The following PHACTR4 variants were observed in gnomAD, a reference collection of about 807,000 sequenced individuals.
PHACTR4 encodes phosphatase and actin regulator 4, also known as protein phosphatase 1, regulatory subunit 124.
A neutral mutation model predicts 72.7 loss-of-function variants in PHACTR4; 51 were observed. The observed-to-expected ratio is 0.70, with a 90% CI of 0.56 to 0.89. The LOEUF is 0.89. Among genes scored for constraint, PHACTR4 ranks in the 40% least tolerant of loss-of-function variants. The pLI is 0.00. For synonymous variants in PHACTR4, 255 were observed against 302.5 expected (o/e 0.84, Z 1.63); for missense variants, 731 against 861.8 (o/e 0.85, Z 1.90).
Position 28,476,248 on chromosome 1 carries a change from C to A in PHACTR4, c.1563C>A (p.Pro521=), listed in dbSNP as rs998235300. 4 of 1,611,746 alleles carry A rather than the reference C, an allele frequency of 2.5e-6. No homozygotes were observed. In the African/African-American group the frequency reaches 5.4e-5, roughly 22 times the overall value. Residue 521 remains proline, a synonymous_variant, in exon 8 of 14, where the codon CCC becomes CCA. Coordinates refer to ENST00000373839, the MANE Select transcript of PHACTR4 (RefSeq NM_001048183.3). ...EKESDSDSEG[P]IQYRDEEDED... The stretch of plus-strand genomic sequence containing the variant: ...AGAGCGACTCTGATTCAGAAGGTCC[C>A]ATTCAGTACCGAGATGAAGAAGATG...
intron 8 of PHACTR4, among the ~76,000 whole-genome samples, chr1:28,477,171 C>T (rs985719295): frequency 1.9e-4 from 28 of 151,164 alleles, no homozygotes; most frequent in Non-Finnish European, 3.7e-4. Context: ...CTGCAACCTC[C>T]ACCTCCCGGG....
intron 2 of PHACTR4, among the ~76,000 whole-genome samples, chr1:28,424,305 C>G (rs1288357046): frequency 6.6e-6 from 1 of 152,082 alleles, no homozygotes; most frequent in Non-Finnish European, 1.5e-5. Context: ...GACCCTCCTG[C>G]CTCAGCCTCC....
chr1:28,496,050 CTTT>C (rs59019895), intron 13 of PHACTR4, among the ~76,000 whole-genome samples: 1 of 88,758 alleles, frequency 1.1e-5, no homozygotes, highest in Admixed American at 1.3e-4. Context: ...GAGAAGAGTT[CTTT>C]TTTTTTTTTT....
At chr1:28,372,851 C>CAA (rs545853028) in intron 1 of PHACTR4, among the ~76,000 whole-genome samples, 3 of 84,218 alleles carry the variant, frequency 3.6e-5, no homozygotes, top group Non-Finnish European at 8.3e-5. Context: ...GACTCAGTCT[C>CAA]AAAAAAAAAA....
Position 28,491,681 on chromosome 1 carries a change from T to G in PHACTR4, c.1910T>G (p.Leu637Arg). The G allele has an allele frequency of 1.2e-6, 2 of 1,614,052 alleles. No individual in the cohort carries two copies. Among genetic ancestry groups the G allele is most frequent in the African/African-American group, 1.3e-5 (1 of 75,040 alleles). ...LSQRPTVAEL[L>R]ARKILRFNEY... ...CAAAGGCCAACTGTCGCTGAACTCC[T>G]TGCCAGGAAGATTCTGAGGTTTAAT... Residue 637 changes from leucine to arginine, a missense_variant, in exon 12 of 14, where the codon CTT becomes CGT. Leu to Arg is a moderately radical substitution (Grantham distance 102). Transcript: ENST00000373839.
intron 13 of PHACTR4, among the ~76,000 whole-genome samples, chr1:28,495,143 A>G (rs948113792): frequency 1.3e-5 from 2 of 152,214 alleles, no homozygotes; most frequent in East Asian, 1.9e-4. Flanking sequence ...TTTGAAGGTG[A>G]TAAGTTTAGC....
At chr1:28,432,371 C>CTTTTT (rs112055906) in intron 2 of PHACTR4, among the ~76,000 whole-genome samples, 1 of 135,608 alleles carries the variant, frequency 7.4e-6, no homozygotes. Flanking sequence ...CTCTCTCTCT[C>CTTTTT]TTTTTTTTTT....
chr1:28,384,014 A>G (rs1466977662), intron 1 of PHACTR4, among the ~76,000 whole-genome samples: 1 of 152,276 alleles, frequency 6.6e-6, no homozygotes, highest in East Asian at 1.9e-4. Context: ...GCTAAAGCCT[A>G]CTTGATTGTG....
intron 2 of PHACTR4, among the ~76,000 whole-genome samples, chr1:28,412,947 A>G (rs1378544090): frequency 6.6e-6 from 1 of 152,208 alleles, no homozygotes; most frequent in East Asian, 1.9e-4. Context: ...AGTACCCTGC[A>G]CCACTACCCC....
At chr1:28,432,419 G>T (rs1474245227) in intron 2 of PHACTR4, among the ~76,000 whole-genome samples, 2 of 147,292 alleles carry the variant, frequency 1.4e-5, no homozygotes, top group Non-Finnish European at 3.0e-5. Context: ...CTCCCACTAG[G>T]ATCTCTTGAG....
At chr1:28,421,305 T>G (rs1655493604) in intron 2 of PHACTR4, among the ~76,000 whole-genome samples, 1 of 152,080 alleles carries the variant, frequency 6.6e-6, no homozygotes, top group Non-Finnish European at 1.5e-5. Context: ...GAGGCTTCCA[T>G]TGAATGAAAG....
intron 1 of PHACTR4, among the ~76,000 whole-genome samples, chr1:28,370,171 G>C (rs924031028): frequency 1.3e-5 from 2 of 152,028 alleles, no homozygotes; most frequent in Non-Finnish European, 2.9e-5. Flanking sequence ...TGTTCCCCCG[G>C]TCCCCAACAG....
At position 28,496,923 on chromosome 1, in the gene PHACTR4, G is replaced by A; in HGVS notation, c.*374G>A. ...TTGCACCATTAGCCTTACCTGCCCT[G>A]CCCTGATTGTGAGACCCAAATGTGT... On this transcript the variant is annotated 3_prime_UTR_variant, in exon 14 of 14. Coordinates refer to ENST00000373839, the MANE Select transcript of PHACTR4 (RefSeq NM_001048183.3). 1 of 252,468 alleles carries A rather than the reference G, an allele frequency of 4.0e-6. No individual in the cohort carries two copies. The highest frequency in any genetic ancestry group is 6.3e-5 in the South Asian group (1 of 15,816). 15.6% of individuals were successfully genotyped at this position (252,468 alleles called of 1,614,324 possible). A position where few individuals can be genotyped will look rare whatever the true frequency, so the allele number is the denominator to read the frequency against.
chr1:28,389,616 G>A (rs1052679448), intron 1 of PHACTR4, among the ~76,000 whole-genome samples: 1 of 151,698 alleles, frequency 6.6e-6, no homozygotes, highest in African/African-American at 2.4e-5. Context: ...TAGCTGGGAC[G>A]ACGGGCGCGT....
At chr1:28,406,108 A>T (rs928067568) in intron 1 of PHACTR4, among the ~76,000 whole-genome samples, 1 of 152,180 alleles carries the variant, frequency 6.6e-6, no homozygotes, top group Non-Finnish European at 1.5e-5. Context: ...TTTAATAATA[A>T]ATTTGACTGA....
intron 1 of PHACTR4, among the ~76,000 whole-genome samples, chr1:28,395,882 C>T (rs1229402286): frequency 5.0e-5 from 6 of 119,034 alleles, no homozygotes; most frequent in East Asian, 2.1e-4. Context: ...AGGATGGTCT[C>T]GATCTCCTGA....
In PHACTR4 at chr1:28,487,724, G is replaced by GTTTTTTTTTT. The variant is rs1054105118; in HGVS notation, c.1761-1444_1761-1443insTTTTTTTTTT. 6.4e-4 allele frequency among the ~76,000 whole-genome samples: 46 copies of GTTTTTTTTTT among 71,464 alleles called. 2 individuals are homozygous for GTTTTTTTTTT. Among genetic ancestry groups the GTTTTTTTTTT allele is most frequent in the African/African-American group, 2.1e-3 (37 of 17,638 alleles). 46.9% of individuals were successfully genotyped at this position (71,464 alleles called of 152,430 possible). A position where few individuals can be genotyped will look rare whatever the true frequency, so the allele number is the denominator to read the frequency against. ...CAAAAATGACAAATTGTAGTTTTTT[G>GTTTTTTTTTT]TTGTTTTTTTTTTTTTTTTTTTTTT... is the stretch of plus-strand genomic sequence containing the variant. On this transcript the variant is annotated intron_variant, in intron 9 of 13. Transcript: ENST00000373839.
intron 13 of PHACTR4, 97 bp from the exon 14 acceptor site, chr1:28,496,437 A>T: frequency 7.5e-7 from 1 of 1,328,682 alleles, no homozygotes; most frequent in African/African-American, 1.4e-5. Flanking sequence ...GAGGAAAGGC[A>T]GTGTTAATTA....
intron 2 of PHACTR4, among the ~76,000 whole-genome samples, chr1:28,415,193 G>A (rs1569876257): frequency 6.6e-6 from 1 of 151,608 alleles, no homozygotes; most frequent in Non-Finnish European, 1.5e-5. Flanking sequence ...CCCGGGAGGC[G>A]GAGGTTGCAG....
Sources: allele counts gnomAD v4.1 joint callset (sites outside exome capture counted in the v4.1 genomes callset), GRCh38; gene constraint gnomAD v4.1.1; transcripts MANE v1.5; gene names NCBI Gene and HGNC (gene_info 2026-07-23, HGNC 2026-07-21).